Variants in PDE4D observed in about 807,000 individuals in gnomAD.
PDE4D encodes the protein phosphodiesterase 4D.
A neutral mutation model predicts 87.4 loss-of-function variants in PDE4D; 24 were observed. That is an observed-to-expected ratio of 0.27 (90% CI 0.20 to 0.39). The LOEUF is 0.39. Ranked by LOEUF, PDE4D falls within the 10% of genes least tolerant of loss-of-function variation. PDE4D has a pLI of 1.00. For synonymous variants in PDE4D, 384 were observed against 383.2 expected (o/e 1.00, Z -0.02); for missense variants, 714 against 1,041.0 (o/e 0.69, Z 4.32).
At chr5:60,105,512 C>G (rs565220273) in intron 2 of PDE4D, among the ~76,000 whole-genome samples, 1 of 151,980 alleles carries the variant, frequency 6.6e-6, no homozygotes, top group African/African-American at 2.4e-5. Context: ...ACACAGAGAA[C>G]GCCACAAAGA....
chr5:60,445,415 C>T (rs777263721), intron 1 of PDE4D, among the ~76,000 whole-genome samples: 1 of 152,178 alleles, frequency 6.6e-6, no homozygotes, highest in Admixed American at 6.5e-5. Flanking sequence ...ATTCCACTGG[C>T]AAGTGGAAAA....
intron 2 of PDE4D, among the ~76,000 whole-genome samples, chr5:60,049,472 C>G (rs1298730246): frequency 6.6e-6 from 1 of 152,192 alleles, no homozygotes; most frequent in East Asian, 1.9e-4. Context: ...TTTTTCTGCT[C>G]TGTTTTTTCC....
chr5:59,940,721 G>A (rs947364243), intron 3 of PDE4D, among the ~76,000 whole-genome samples: 6 of 152,056 alleles, frequency 3.9e-5, no homozygotes, highest in Admixed American at 6.6e-5. Context: ...CAGAGGGAAG[G>A]CCTAAGTTGA....
chr5:59,267,988 C>A (rs1050142394), intron 1 of PDE4D, among the ~76,000 whole-genome samples: 2 of 151,978 alleles, frequency 1.3e-5, no homozygotes, highest in Non-Finnish European at 2.9e-5. Context: ...CAGAGGTTGC[C>A]AGTGTTATTA....
intron 1 of PDE4D, among the ~76,000 whole-genome samples, chr5:60,293,072 C>T (rs747229959): frequency 6.2e-4 from 93 of 151,134 alleles, no homozygotes; most frequent in Non-Finnish European, 1.3e-3. Context: ...GTGTTATGAT[C>T]TCGGCTCACT....
At chr5:59,011,212 A>C (rs1480472586) in intron 6 of PDE4D, among the ~76,000 whole-genome samples, 2 of 152,158 alleles carry the variant, frequency 1.3e-5, no homozygotes, top group African/African-American at 4.8e-5. Flanking sequence ...GAAAAGCTGA[A>C]AGTTCTAAAA....
At chr5:59,530,304 C>T (rs889679431) in intron 1 of PDE4D, among the ~76,000 whole-genome samples, 9 of 151,962 alleles carry the variant, frequency 5.9e-5, no homozygotes, top group South Asian at 2.1e-4. Flanking sequence ...TTTTTTCCCC[C>T]AGGTACTTAA....
chr5:59,444,230 A>T (rs898079829), intron 1 of PDE4D, among the ~76,000 whole-genome samples: 1 of 152,198 alleles, frequency 6.6e-6, no homozygotes, highest in Non-Finnish European at 1.5e-5. Flanking sequence ...AAGATATCAC[A>T]TGCAAACCCT....
intron 3 of PDE4D, among the ~76,000 whole-genome samples, chr5:59,934,432 C>T (rs1756335794): frequency 6.6e-6 from 1 of 152,162 alleles, no homozygotes; most frequent in African/African-American, 2.4e-5. Context: ...GTGGTTCTAT[C>T]ACTCTAATTC....
chr5:60,336,713 G>T (rs1213757920), intron 1 of PDE4D, among the ~76,000 whole-genome samples: 4 of 152,098 alleles, frequency 2.6e-5, no homozygotes, highest in African/African-American at 9.7e-5. Context: ...TCTGTTGATA[G>T]GATCCATGGT....
chr5:59,337,337 C>CCTT (rs1396627016), intron 1 of PDE4D, among the ~76,000 whole-genome samples: 1 of 133,026 alleles, frequency 7.5e-6, no homozygotes, highest in African/African-American at 2.8e-5. Flanking sequence ...CCCCCCCCAC[C>CCTT]TTTTTTTTTT....
intron 5 of PDE4D, among the ~76,000 whole-genome samples, chr5:59,093,574 A>G (rs767343789): frequency 2.0e-5 from 3 of 152,230 alleles, no homozygotes; most frequent in Non-Finnish European, 4.4e-5. Flanking sequence ...AAACATTTCA[A>G]AGAACACACC....
At chr5:59,247,393 G>GA (rs1561804388) in intron 1 of PDE4D, among the ~76,000 whole-genome samples, 1 of 151,946 alleles carries the variant, frequency 6.6e-6, no homozygotes, top group Non-Finnish European at 1.5e-5. Flanking sequence ...AAAATTTAGA[G>GA]AAAAAAAGAG....
In PDE4D at chr5:60,310,452, G is replaced by A. The variant is rs1562310921; in HGVS notation, c.-89-124765C>T. ...AGGGAAGGTTTAAAAAATGAATGAG[G>A]AGGAGAGGAACTGAAGTTTATTCTG... On this transcript the variant is annotated intron_variant, in intron 1 of 16. Coordinates refer to the PDE4D transcript ENST00000502484. Among the ~76,000 whole-genome samples, 3 of 152,186 alleles carry A rather than the reference G, an allele frequency of 2.0e-5. No individual in the cohort carries two copies. In the South Asian group the frequency reaches 6.2e-4, roughly 32 times the overall value.
chr5:59,502,907 G>C (rs1322945284), intron 1 of PDE4D, among the ~76,000 whole-genome samples: 1 of 130,580 alleles, frequency 7.7e-6, no homozygotes, highest in Non-Finnish European at 1.6e-5. Flanking sequence ...AGATTAGAAG[G>C]CTTTTTTTTT....
At chr5:59,002,033 C>T (rs1477047980) in intron 6 of PDE4D, 1 of 516,310 alleles carries the variant, frequency 1.9e-6, no homozygotes, top group Non-Finnish European at 3.9e-6. Context: ...ATCTTTTATC[C>T]AGAGCTGTTT....
chr5:59,570,474 T>C (rs1821644561), intron 1 of PDE4D, among the ~76,000 whole-genome samples: 1 of 152,176 alleles, frequency 6.6e-6, no homozygotes, highest in Non-Finnish European at 1.5e-5. Flanking sequence ...TTTTCACTTG[T>C]AAATAGTGCA....
rs146016139 is a variant in PDE4D at position 59,257,428 on chromosome 5, C to A, written c.456-41460G>T. ...ATCCCTACTGCAGTTTGGGGAACCA[C>A]GGCTTACATCTGTCTTTTGCATCAA... On this transcript the variant is annotated intron_variant, in intron 1 of 14. Coordinates refer to ENST00000340635, the MANE Select transcript of PDE4D (RefSeq NM_001104631.2). Among the ~76,000 whole-genome samples, 3 of 152,088 alleles carry A rather than the reference C, an allele frequency of 2.0e-5. No homozygotes were observed. In the East Asian group the frequency reaches 5.8e-4, roughly 29 times the overall value.
At chr5:60,459,002 TTGTG>T (rs397788791) in intron 1 of PDE4D, among the ~76,000 whole-genome samples, 2 of 150,182 alleles carry the variant, frequency 1.3e-5, no homozygotes, top group African/African-American at 4.9e-5. Context: ...TGTGTGTGTG[TTGTG>T]TGTGTGTGTA....
Sources: gnomAD v4.1 joint callset for allele counts (sites outside exome capture counted in the v4.1 genomes callset) on GRCh38, gnomAD v4.1.1 for gene constraint, MANE v1.5 for transcripts, NCBI Gene and HGNC (gene_info 2026-07-23, HGNC 2026-07-21) for gene names.